The following IL1R1 variants were observed in gnomAD, a reference collection of about 807,000 sequenced individuals.
IL1R1 encodes interleukin-1 receptor type 1.
IL1R1 carries 22 observed loss-of-function variants against 50.2 expected under a neutral mutation model. The ratio of observed to expected loss-of-function variants is 0.44; its 90% confidence interval spans 0.31 to 0.63. IL1R1 has a LOEUF of 0.63. Among genes scored for constraint, IL1R1 ranks in the 20% least tolerant of loss-of-function variants. The pLI is 0.07. For synonymous variants in IL1R1, 251 were observed against 236.7 expected (o/e 1.06, Z -0.55); for missense variants, 509 against 676.2 (o/e 0.75, Z 2.74).
Position 102,176,715 on chromosome 2 carries a change from A to G in IL1R1, c.1666A>G (p.Thr556Ala). The change falls in exon 12 of 12, where the codon ACT (threonine) becomes GCT (alanine). Residue 556 changes from threonine (T) to alanine (A), a missense_variant. By Grantham distance (58) the Thr-to-Ala change is moderately conservative. Transcript: ENST00000410023. ...TAAACACCAGTTACTGTCACCAGCC[A>G]CTAAGGAGAAACTGCAAAGAGAGGC... ...SSKHQLLSPATKEKLQREAHV... is the reference protein window; with the variant it reads ...SSKHQLLSPAAKEKLQREAHV... 1 of 1,614,206 alleles carries G rather than the reference A, an allele frequency of 6.2e-7. No individual in the cohort carries two copies. Among genetic ancestry groups the G allele is most frequent in the African/African-American group, 1.3e-5 (1 of 75,056 alleles).
chr2:102,155,523 C>T (rs1684101853), intron 2 of IL1R1, among the ~76,000 whole-genome samples: 2 of 152,154 alleles, frequency 1.3e-5, no homozygotes, highest in African/African-American at 4.8e-5. Context: ...AGGTGCAACC[C>T]TCACCTCCTT....
chr2:102,102,107 G>C (rs1680168550), upstream of IL1R1, among the ~76,000 whole-genome samples: 1 of 152,138 alleles, frequency 6.6e-6, no homozygotes, highest in African/African-American at 2.4e-5. Context: ...GTGGAAAAGA[G>C]GGCTGGAAAA....
intron 3 of IL1R1, among the ~76,000 whole-genome samples, chr2:102,161,996 C>T (rs1011682288): frequency 6.6e-6 from 1 of 152,196 alleles, no homozygotes; most frequent in African/African-American, 2.4e-5. Flanking sequence ...GCCACCACGC[C>T]TGGCTGACTT....
intron 1 of IL1R1, among the ~76,000 whole-genome samples, chr2:102,111,073 T>C (rs893031196): frequency 1.3e-5 from 2 of 148,882 alleles, no homozygotes; most frequent in African/African-American, 5.0e-5. Flanking sequence ...ATGAAGAGAG[T>C]GGAAGGGAGG....
At chr2:102,133,592 G>A (rs148176328) in intron 1 of IL1R1, among the ~76,000 whole-genome samples, 1 of 152,194 alleles carries the variant, frequency 6.6e-6, no homozygotes, top group African/African-American at 2.4e-5. Flanking sequence ...AAGAATGTAA[G>A]ATTGGCTTAG....
At chr2:102,128,571 A>C (rs1681855311) in intron 1 of IL1R1, among the ~76,000 whole-genome samples, 1 of 152,234 alleles carries the variant, frequency 6.6e-6, no homozygotes. Flanking sequence ...TTGAGGCATA[A>C]GAGAAGTTAA....
At chr2:102,079,855 A>T (rs1311313290) in intron 1 of IL1R1, among the ~76,000 whole-genome samples, 1 of 152,208 alleles carries the variant, frequency 6.6e-6, no homozygotes, top group Non-Finnish European at 1.5e-5. Flanking sequence ...AAGCAACGGT[A>T]TCCAAGACAG....
At chr2:102,124,132 A>G (rs1399593722) in intron 1 of IL1R1, among the ~76,000 whole-genome samples, 1 of 152,128 alleles carries the variant, frequency 6.6e-6, no homozygotes, top group Non-Finnish European at 1.5e-5. Context: ...CTGTAAAGAA[A>G]TACCCGAGAC....
intron 6 of IL1R1, among the ~76,000 whole-genome samples, 193 bp from the exon 7 acceptor site, chr2:102,168,405 T>G (rs1685384380): frequency 6.6e-6 from 1 of 152,210 alleles, no homozygotes; most frequent in Non-Finnish European, 1.5e-5. Context: ...TACCCCGGGA[T>G]TCACAGTGTG....
intron 1 of IL1R1, among the ~76,000 whole-genome samples, chr2:102,115,772 G>A (rs1160877826): frequency 1.3e-5 from 2 of 152,116 alleles, no homozygotes; most frequent in Non-Finnish European, 2.9e-5. Flanking sequence ...GAAACTGCAC[G>A]AGCAAGAAAA....
upstream of IL1R1, among the ~76,000 whole-genome samples, chr2:102,102,676 A>G (rs1380906962): frequency 1.2e-5 from 1 of 86,684 alleles, no homozygotes; most frequent in Non-Finnish European, 2.1e-5. Flanking sequence ...CCACAGGAAT[A>G]TTAATCATTC....
chr2:102,110,496 C>G (rs1181528484), intron 1 of IL1R1, among the ~76,000 whole-genome samples: 3 of 144,066 alleles, frequency 2.1e-5, no homozygotes, highest in East Asian at 4.4e-4. Context: ...AATGCCTCTC[C>G]ATGTGCTCGT....
At chr2:102,108,066 G>A (rs1285860680) in intron 1 of IL1R1, among the ~76,000 whole-genome samples, 1 of 152,116 alleles carries the variant, frequency 6.6e-6, no homozygotes, top group Non-Finnish European at 1.5e-5. Flanking sequence ...TTTTTGAATA[G>A]AGGAAAAGCA....
Position 102,086,549 on chromosome 2 carries a change from G to T in IL1R1, c.-84+16016G>T, listed in dbSNP as rs111479252. Among the ~76,000 whole-genome samples, 1,184 of 150,738 alleles carry T rather than the reference G, an allele frequency of 7.9e-3. 14 individuals are homozygous for T. The highest frequency in any genetic ancestry group is 0.028 in the African/African-American group (1,146 of 41,168). On this transcript the variant is annotated intron_variant, in intron 1 of 11. Coordinates refer to the IL1R1 transcript ENST00000409929. The stretch of plus-strand genomic sequence containing the variant: ...CGCCTTTCTCCCCCTCTTTTTTTTT[G>T]GGGATTTTAATTACATATATTTTGG...
chr2:102,096,191 C>G (rs966230178), intron 1 of IL1R1, among the ~76,000 whole-genome samples: 1 of 152,136 alleles, frequency 6.6e-6, no homozygotes, highest in Non-Finnish European at 1.5e-5. Context: ...GGGACTTTTA[C>G]AGGATTTTTT....
At chr2:102,095,801 G>A (rs1250078939) in intron 1 of IL1R1, among the ~76,000 whole-genome samples, 1 of 152,050 alleles carries the variant, frequency 6.6e-6, no homozygotes, top group Non-Finnish European at 1.5e-5. Flanking sequence ...TTAGGAGATC[G>A]AGACCATCCT....
At chr2:102,159,756 C>T (rs1684534243) in intron 3 of IL1R1, among the ~76,000 whole-genome samples, 1 of 152,164 alleles carries the variant, frequency 6.6e-6, no homozygotes, top group African/African-American at 2.4e-5. Flanking sequence ...GGAAATGGGA[C>T]TTTTCGAGGA....
chr2:102,070,849 T>C (rs1041927349), intron 1 of IL1R1, among the ~76,000 whole-genome samples: 3 of 152,122 alleles, frequency 2.0e-5, no homozygotes, highest in African/African-American at 2.4e-5. Context: ...AGATATACCA[T>C]GGCTGTCTTT....
At chr2:102,166,043 C>A in intron 5 of IL1R1, 70 bp from the exon 6 acceptor site, 1 of 1,319,676 alleles carries the variant, frequency 7.6e-7, no homozygotes, top group Non-Finnish European at 1.1e-6. Flanking sequence ...AAAAATGGAG[C>A]TCCTTTGGCG....
Sources: gnomAD v4.1 joint callset for allele counts (sites outside exome capture counted in the v4.1 genomes callset) on GRCh38, gnomAD v4.1.1 for gene constraint, MANE v1.5 for transcripts, NCBI Gene and HGNC (gene_info 2026-07-23, HGNC 2026-07-21) for gene names.